Variants in MLIP observed in about 807,000 individuals in gnomAD.
MLIP encodes the protein muscular LMNA interacting protein.
A neutral mutation model predicts 84.8 loss-of-function variants in MLIP; 79 were observed. That is an observed-to-expected ratio of 0.93 (90% CI 0.78 to 1.12). MLIP has a LOEUF of 1.12. Among genes scored for constraint, MLIP ranks in the 50% most tolerant of loss-of-function variants. The probability of loss-of-function intolerance (pLI) is 0.00; values close to 1 mark genes in which losing one functional copy is unlikely to be tolerated. For missense variants in MLIP, 1,257 were observed against 1,160.6 expected (o/e 1.08, Z -1.21); for synonymous variants, 504 against 463.0 (o/e 1.09, Z -1.14).
At chr6:54,249,263 A>G (rs575733772) in intron 12 of MLIP, among the ~76,000 whole-genome samples, 71 of 152,082 alleles carry the variant, frequency 4.7e-4, no homozygotes, top group Non-Finnish European at 9.3e-4. Context: ...TAAAGCCCAG[A>G]CACAAAGTGA....
chr6:54,058,289 T>G (rs1192704741), intron 1 of MLIP, among the ~76,000 whole-genome samples: 1 of 152,212 alleles, frequency 6.6e-6, no homozygotes, highest in African/African-American at 2.4e-5. Flanking sequence ...AGACTTTGTG[T>G]TAGATACTGG....
chr6:54,189,801 T>C (rs996703602), intron 9 of MLIP, 69 bp from the exon 10 acceptor site: 7 of 1,213,032 alleles, frequency 5.8e-6, no homozygotes, highest in Admixed American at 1.8e-5. Context: ...AACTTCAAAA[T>C]ACTTAAACAC....
chr6:54,118,063 G>T (rs1770111568), intron 1 of MLIP, among the ~76,000 whole-genome samples: 1 of 152,142 alleles, frequency 6.6e-6, no homozygotes, highest in African/African-American at 2.4e-5. Context: ...TTCATGAATT[G>T]GAAGAATAAG....
chr6:54,053,640 G>A (rs1323482414), intron 1 of MLIP, among the ~76,000 whole-genome samples: 1 of 152,212 alleles, frequency 6.6e-6, no homozygotes, highest in South Asian at 2.1e-4. Flanking sequence ...CTGTGGGCAA[G>A]TAACTGAACT....
Position 54,260,619 on chromosome 6 carries a change from G to A in MLIP, c.2976+3258G>A, listed in dbSNP as rs58236218. 8.4e-3 allele frequency among the ~76,000 whole-genome samples: 1,274 copies of A among 151,988 alleles called. 24 individuals are homozygous for A. Among genetic ancestry groups the A allele is most frequent in the African/African-American group, 0.029 (1,199 of 41,500 alleles). On this transcript the variant is annotated intron_variant, in intron 13 of 13. Coordinates refer to ENST00000502396, the MANE Select transcript of MLIP (RefSeq NM_001281747.2). ...AAGTAAAAGTAGGAGGATCATGAAA[G>A]AATTTGTTGCAGTGAATGATTTCAA...
intron 1 of MLIP, chr6:54,046,966 A>G (rs1305192832): frequency 6.6e-6 from 1 of 152,230 alleles, no homozygotes; most frequent in African/African-American, 2.4e-5. Flanking sequence ...ATACAACCCA[A>G]ATAACTCTAA....
At chr6:54,226,816 C>T (rs1479461521) in intron 11 of MLIP, among the ~76,000 whole-genome samples, 1 of 152,108 alleles carries the variant, frequency 6.6e-6, no homozygotes, top group Non-Finnish European at 1.5e-5. Context: ...GGAAATTAAA[C>T]ACAAGATTGC....
chr6:54,235,854 G>C (rs1781322192), intron 12 of MLIP, among the ~76,000 whole-genome samples: 1 of 152,100 alleles, frequency 6.6e-6, no homozygotes, highest in African/African-American at 2.4e-5. Context: ...ACCTTCTCTT[G>C]TGGTGTTCTC....
intron 9 of MLIP, among the ~76,000 whole-genome samples, chr6:54,179,651 A>G (rs571720588): frequency 1.7e-4 from 26 of 152,204 alleles, no homozygotes; most frequent in Admixed American, 6.5e-4. Flanking sequence ...AACACTTGAC[A>G]CTAATTGCAT....
rs972369988 is a variant in MLIP at position 54,137,395 on chromosome 6, C to G, written c.1326C>G (p.Asn442Lys). The change falls in exon 4 of 14, where the codon AAC becomes AAG. Residue 442 changes from asparagine to lysine, a missense_variant. By Grantham distance (94) the Asn-to-Lys change is moderately conservative (BLOSUM62 0). Transcript: ENST00000502396. ...CATCCTGTCCCACCTTCTCTCTCAA[C>G]TCCCCGGCCTCTTCCACGCTCACAC... is the stretch of plus-strand genomic sequence containing the variant. ...SPASCPTFSLNSPASSTLTLD... is the reference protein window; with the variant it reads ...SPASCPTFSLKSPASSTLTLD... The G allele has an allele frequency of 6.5e-7, 1 of 1,536,024 alleles. No individual in the cohort carries two copies. Among genetic ancestry groups the G allele is most frequent in the Non-Finnish European group, 8.7e-7 (1 of 1,146,896 alleles).
chr6:54,169,797 G>A (rs539898432), intron 9 of MLIP, among the ~76,000 whole-genome samples: 38 of 151,728 alleles, frequency 2.5e-4, no homozygotes, highest in African/African-American at 8.4e-4. Flanking sequence ...AGTTGGATTA[G>A]TTTAGCTAAA....
At chr6:54,221,738 T>C (rs1334631767) in intron 11 of MLIP, among the ~76,000 whole-genome samples, 1 of 151,956 alleles carries the variant, frequency 6.6e-6, no homozygotes, top group African/African-American at 2.4e-5. Flanking sequence ...TAGGCAAAAG[T>C]AGATCATCTC....
At chr6:54,062,250 A>G (rs915939189) in intron 1 of MLIP, among the ~76,000 whole-genome samples, 2 of 152,176 alleles carry the variant, frequency 1.3e-5, no homozygotes, top group South Asian at 2.1e-4. Context: ...CATTATTCCT[A>G]AATGAGTTGT....
At chr6:54,203,961 T>C (rs1778870627) in intron 11 of MLIP, 1 of 152,230 alleles carries the variant, frequency 6.6e-6, no homozygotes, top group Non-Finnish European at 1.5e-5. Flanking sequence ...CACTAAAATT[T>C]GCATTACTTA....
intron 1 of MLIP, among the ~76,000 whole-genome samples, chr6:54,101,650 G>T (rs1427676723): frequency 1.3e-5 from 2 of 151,940 alleles, no homozygotes; most frequent in African/African-American, 4.8e-5. Flanking sequence ...TATTACCTTG[G>T]ATATTTTGGA....
At chr6:54,024,481 A>T (rs1403843413) in intron 1 of MLIP, among the ~76,000 whole-genome samples, 1 of 152,160 alleles carries the variant, frequency 6.6e-6, no homozygotes, top group African/African-American at 2.4e-5. Flanking sequence ...CAGAGATGCA[A>T]CCTAGTGCCT....
chr6:54,207,368 T>C (rs1318056379), intron 11 of MLIP, among the ~76,000 whole-genome samples: 1 of 151,800 alleles, frequency 6.6e-6, no homozygotes, highest in East Asian at 1.9e-4. Flanking sequence ...TATAGTTAGA[T>C]AGGCTCACTT....
chr6:54,216,217 G>T (rs1385329811), intron 11 of MLIP: 1 of 985,096 alleles, frequency 1.0e-6, no homozygotes, highest in Non-Finnish European at 1.2e-6. Flanking sequence ...GAAGAAAGAG[G>T]TTGATTTCCT....
At chr6:54,182,045 A>G (rs1166177822) in intron 9 of MLIP, among the ~76,000 whole-genome samples, 4 of 152,148 alleles carry the variant, frequency 2.6e-5, no homozygotes, top group Non-Finnish European at 2.9e-5. Context: ...GTACCACCCT[A>G]GTCTACTGGC....
Sources: gnomAD v4.1 joint callset for allele counts (sites outside exome capture counted in the v4.1 genomes callset) on GRCh38, gnomAD v4.1.1 for gene constraint, MANE v1.5 for transcripts, NCBI Gene and HGNC (gene_info 2026-07-23, HGNC 2026-07-21) for gene names.